The following CCDC78 variants were observed in gnomAD, a reference collection of about 807,000 sequenced individuals.
CCDC78 encodes the protein coiled-coil domain-containing protein 78.
CCDC78 carries 78 observed loss-of-function variants against 61.9 expected under a neutral mutation model. The ratio of observed to expected loss-of-function variants is 1.26; its 90% CI spans 1.05 to 1.52. The LOEUF is 1.52. CCDC78 is among the 40% of genes most tolerant of loss of function. CCDC78 has a pLI of 0.00. For synonymous variants in CCDC78, 287 were observed against 251.9 expected (o/e 1.14, Z -1.32); for missense variants, 737 against 615.5 (o/e 1.20, Z -2.09).
chr16:725,765 C>T (rs765035521), intron 3 of CCDC78, 29 bp downstream of exon 3: 2 of 1,590,430 alleles, frequency 1.3e-6, no homozygotes, highest in Admixed American at 3.5e-5. Context: ...GTCCCCCATG[C>T]ACTGAGGCTG....
rs2040680992 is a variant in CCDC78 at position 724,774 on chromosome 16, C to T, written c.672G>A (p.Gln224=). 1 of 1,612,080 alleles carries T rather than the reference C, an allele frequency of 6.2e-7. No homozygotes were observed. The highest frequency in any genetic ancestry group is 8.5e-7 in the Non-Finnish European group (1 of 1,179,754). Residue 224 remains glutamine, a synonymous_variant, in exon 8 of 14, where the codon CAG becomes CAA. Coordinates refer to ENST00000345165, the MANE Select transcript of CCDC78 (RefSeq NM_001378030.1). The part of the protein sequence containing the change: ...VLCSCQGQLR[Q]AEAENARLQL... ...GCAGCCGGGCATTTTCAGCCTCTGC[C>T]TGACGGAGCTGGCCTTGGCAGCTGC...
rs534538485 is a variant in CCDC78 at position 722,981 on chromosome 16, G to A, written c.1242C>T (p.Ala414=). The A allele has an allele frequency of 8.1e-6, 13 of 1,612,484 alleles. No individual in the cohort carries two copies. The South Asian group carries it at 1.2e-4, about 15-fold the overall frequency. ...ERERAQLLVR[A]TMAEEQLSEL... ...CAGAAAGTTGCTCTTCAGCCATCGT[G>A]GCCCGGACCAGCAGCTGTGCCCGCT... The change falls in exon 13 of 14, where the codon GCC becomes GCT. Residue 414 remains alanine, a synonymous_variant. Transcript: ENST00000345165.
rs2040811446 is a variant in CCDC78, at chr16:725,528, G to A, written c.320C>T (p.Thr107Ile). Residue 107 changes from threonine to isoleucine, a missense_variant, in exon 4 of 14, where the codon ACC (threonine) becomes ATC (isoleucine). Coordinates refer to ENST00000345165, the MANE Select transcript of CCDC78 (RefSeq NM_001378030.1). ...VLELELRGDGTSQGCAVPVES... is the reference protein window; with the variant it reads ...VLELELRGDGISQGCAVPVES... ...CACTGGGACTGCACAGCCCTGGCTG[G>A]TGCCATCTCCTCGCAGCTCCAGCTC... 6.2e-7 allele frequency: 1 copy of A among 1,612,214 alleles called. No homozygotes were observed. Among genetic ancestry groups the A allele is most frequent in the Non-Finnish European group, 8.5e-7 (1 of 1,179,856 alleles).
At chr16:724,876 C>T (rs2040698180) in intron 7 of CCDC78, 35 bp downstream of exon 7, 2 of 1,598,008 alleles carry the variant, frequency 1.3e-6, no homozygotes, top group Non-Finnish European at 1.7e-6. Flanking sequence ...GGCCCCCACC[C>T]TCCAGGTCTC....
chr16:724,357 C>T lies in CCDC78; in HGVS notation c.918G>A (p.Leu306=). 1 of 1,612,368 alleles carries T rather than the reference C, an allele frequency of 6.2e-7. No individual in the cohort carries two copies. Among genetic ancestry groups the T allele is most frequent in the Non-Finnish European group, 8.5e-7 (1 of 1,179,906 alleles). The change falls in exon 9 of 14, where the codon CTG becomes CTA. Residue 306 remains leucine (L), a synonymous_variant. Coordinates refer to ENST00000345165, the MANE Select transcript of CCDC78 (RefSeq NM_001378030.1). ...CCAGTAGCTCTTCATGCCTGCGGCT[C>T]AGATCCACCAGCCTCTTGTGGTAGC... ...ARSYHKRLVD[L]SRRHEELLVA... is the part of the protein sequence containing the mutation.
At chr16:725,908 T>C in intron 2 of CCDC78, 28 bp from the exon 3 acceptor site, 4 of 1,597,010 alleles carry the variant, frequency 2.5e-6, no homozygotes, top group Non-Finnish European at 3.4e-6. Flanking sequence ...AGAGGTGGCG[T>C]CTGTGGGCCC....
intron 11 of CCDC78, chr16:723,369 C>G: frequency 1.4e-6 from 1 of 709,292 alleles, no homozygotes; most frequent in Non-Finnish European, 2.6e-6. Context: ...CCCAGGGGGT[C>G]TGCTGGCTGC....
At chr16:726,559 C>T, upstream of CCDC78, 1 of 625,500 alleles carries the variant, frequency 1.6e-6, no homozygotes, top group Non-Finnish European at 2.7e-6. Flanking sequence ...CTCTTCCTCT[C>T]TCCATGCCTC....
intron 9 of CCDC78, 37 bp from the exon 10 acceptor site, chr16:724,242 C>G: frequency 6.3e-7 from 1 of 1,585,244 alleles, no homozygotes; most frequent in Middle Eastern, 1.7e-4. Context: ...GGGGCCACTC[C>G]TGCTGCACAC....
chr16:722,865 A>G (rs762243012), intron 13 of CCDC78, 57 bp downstream of exon 13: 1 of 1,608,534 alleles, frequency 6.2e-7, no homozygotes. Flanking sequence ...GGCAGCCATC[A>G]TCCTTCATTC....
chr16:723,698 C>T (rs886080757), intron 11 of CCDC78, 159 bp downstream of exon 11: 14 of 726,620 alleles, frequency 1.9e-5, no homozygotes, highest in African/African-American at 1.2e-4. Flanking sequence ...CCGGGACCCA[C>T]GGAGGGACCC....
In CCDC78 at chr16:726,099, G is replaced by A. The variant is rs750092405; in HGVS notation, c.61-14C>T. On this transcript the variant is annotated splice_polypyrimidine_tract_variant and intron_variant, in intron 1 of 13. Transcript: ENST00000345165. ...TCGTAGCACAACCTGGGGAGGTACC[G>A]CCACCCATTCCCCAGGTGGGTCCCA... The A allele has an allele frequency of 3.7e-5, 57 of 1,548,844 alleles. No homozygotes were observed. Among genetic ancestry groups the A allele is most frequent in the South Asian group, 2.3e-4 (19 of 84,048 alleles).
At chr16:723,533 G>A (rs748464689) in intron 11 of CCDC78, 8 of 672,958 alleles carry the variant, frequency 1.2e-5, no homozygotes. Flanking sequence ...CAGAGGCAAG[G>A]GCTGGCCCGG....
At chr16:725,771 G>A (rs1397859853) in intron 3 of CCDC78, 23 bp downstream of exon 3, 3 of 1,594,106 alleles carry the variant, frequency 1.9e-6, no homozygotes, top group Middle Eastern at 1.7e-4. Flanking sequence ...CATGCACTGA[G>A]GCTGGTTCAC....
At position 723,945 on chromosome 16, in the gene CCDC78, G is replaced by C. The variant is rs781457535; in HGVS notation, c.1054-9C>G. The C allele has an allele frequency of 1.2e-6, 2 of 1,602,740 alleles. No individual in the cohort carries two copies. Among genetic ancestry groups the C allele is most frequent in the African/African-American group, 2.7e-5 (2 of 74,690 alleles). On this transcript the variant is annotated splice_polypyrimidine_tract_variant and intron_variant, in intron 10 of 13. Coordinates refer to ENST00000345165, the MANE Select transcript of CCDC78 (RefSeq NM_001378030.1). ...GCCCCAGGCCCGCCGTGCTACAGAG[G>C]TTTGTGGTGGGGACGTTTCAGTTGG...
Position 722,903 on chromosome 16 carries a change from C to A in CCDC78, c.1301+19G>T. On this transcript the variant is annotated intron_variant, in intron 13 of 13. Transcript: ENST00000345165. ...ACCAGACCAGGGCCCTGGGGTCACACCCAGCTCCCTCTGCCCACCTGCCCA... is the reference window on the plus strand; with the variant it reads ...ACCAGACCAGGGCCCTGGGGTCACAACCAGCTCCCTCTGCCCACCTGCCCA... 1 of 1,611,746 alleles carries A rather than the reference C, an allele frequency of 6.2e-7. No individual in the cohort carries two copies. Among genetic ancestry groups the A allele is most frequent in the African/African-American group, 1.3e-5 (1 of 75,040 alleles).
chr16:725,211 CCT>C (rs2151563680), intron 5 of CCDC78, 24 bp downstream of exon 5: 1 of 1,610,528 alleles, frequency 6.2e-7, no homozygotes, highest in Non-Finnish European at 8.5e-7. Flanking sequence ...TGCCCTCTCC[CCT>C]GAGCTAGGTG....
Position 723,884 on chromosome 16 carries a change from G to A in CCDC78, c.1106C>T (p.Ala369Val), listed in dbSNP as rs557567837. The change falls in exon 11 of 14, where the codon GCC becomes GTC. Residue 369 changes from alanine (A) to valine (V), a missense_variant. Physicochemically the swap from Ala to Val is moderately conservative, Grantham distance 64 (BLOSUM62 0). Transcript: ENST00000345165. Reference sequence around the variant, plus strand: ...TGGCTCTGATGTTCCCCCCTGGGAGGCTCCACCGGGTCTCTTTTTTGGGGA... The same window carrying A: ...TGGCTCTGATGTTCCCCCCTGGGAGACTCCACCGGGTCTCTTTTTTGGGGA... ...LSSPKKRPGG[A>V]SQGGTSEPQG... is the part of the protein sequence containing the mutation. 5 of 1,597,810 alleles carry A rather than the reference G, an allele frequency of 3.1e-6. No individual in the cohort carries two copies. In the South Asian group the frequency reaches 5.6e-5, roughly 18 times the overall value.
rs778396629 is a variant in CCDC78 at position 723,891 on chromosome 16, CG to C, written c.1098del (p.Gly367ValfsTer74). On this transcript the variant is annotated frameshift_variant, in exon 11 of 14. Coordinates refer to ENST00000345165, the MANE Select transcript of CCDC78 (RefSeq NM_001378030.1). LOFTEE classifies it high-confidence loss of function. ...GALLSSPKKR[P>X]GGASQGGTSE... ...GATGTTCCCCCCTGGGAGGCTCCAC[CG>C]GGTCTCTTTTTTGGGGATGAGAGCA... is the stretch of plus-strand genomic sequence containing the variant. The C allele has an allele frequency of 6.3e-7, 1 of 1,599,520 alleles. No individual in the cohort carries two copies. Among genetic ancestry groups the C allele is most frequent in the Non-Finnish European group, 8.5e-7 (1 of 1,173,346 alleles).
Sources: allele counts gnomAD v4.1 joint callset, GRCh38; gene constraint gnomAD v4.1.1; transcripts MANE v1.5; gene names NCBI Gene and HGNC (gene_info 2026-07-23, HGNC 2026-07-21).